CACNA1A: variants seen among roughly 807,000 people sequenced by gnomAD.
CACNA1A encodes voltage-dependent P/Q-type calcium channel subunit alpha-1A.
CACNA1A carries 57 observed loss-of-function variants against 262.4 expected under a neutral mutation model. That is an observed-to-expected ratio of 0.22 (90% CI 0.18 to 0.27). The LOEUF (loss-of-function observed/expected upper bound fraction) is 0.27, where lower values mean the gene tolerates loss of function less well. CACNA1A is among the 10% of genes least tolerant of loss of function. CACNA1A has a pLI of 1.00. For synonymous variants in CACNA1A, 1,431 were observed against 1,419.3 expected (o/e 1.01, Z -0.18); for missense variants, 2,526 against 3,562.8 (o/e 0.71, Z 7.41).
At chr19:13,414,094 C>A (rs1305029223) in intron 3 of CACNA1A, among the ~76,000 whole-genome samples, 1 of 151,534 alleles carries the variant, frequency 6.6e-6, no homozygotes, top group African/African-American at 2.4e-5. Flanking sequence ...TGTGTTGGTG[C>A]CCGTCTGTAG....
At chr19:13,262,416 T>C (rs1274480776) in intron 25 of CACNA1A, 4 of 229,478 alleles carry the variant, frequency 1.7e-5, no homozygotes, top group East Asian at 9.5e-5. Flanking sequence ...GAACAAGAAA[T>C]CTAGTTCCTG....
intron 1 of CACNA1A, among the ~76,000 whole-genome samples, chr19:13,467,591 A>G (rs1471370132): frequency 2.0e-5 from 3 of 149,034 alleles, no homozygotes; most frequent in Non-Finnish European, 4.4e-5. Context: ...GGGGATGCAC[A>G]CTGACTTTTT....
intron 3 of CACNA1A, among the ~76,000 whole-genome samples, chr19:13,382,424 C>T (rs539261159): frequency 1.3e-5 from 2 of 152,230 alleles, no homozygotes; most frequent in East Asian, 1.9e-4. Flanking sequence ...ACAGCCTCCT[C>T]CCTGGAAGGA....
chr19:13,278,985 A>G (rs1208954286), intron 22 of CACNA1A, among the ~76,000 whole-genome samples: 1 of 152,148 alleles, frequency 6.6e-6, no homozygotes, highest in Non-Finnish European at 1.5e-5. Context: ...CAGTGGGCAC[A>G]GCCTGGTCAA....
chr19:13,272,566 A>G (rs1015770613), intron 24 of CACNA1A: 1 of 152,306 alleles, frequency 6.6e-6, no homozygotes, highest in Non-Finnish European at 1.5e-5. Flanking sequence ...CCAAGGACAT[A>G]GGTCATCAAC....
chr19:13,449,078 C>A (rs1038762217), intron 3 of CACNA1A, among the ~76,000 whole-genome samples: 1 of 151,906 alleles, frequency 6.6e-6, no homozygotes, highest in African/African-American at 2.4e-5. Context: ...GTGATCCTCC[C>A]ACCTCAGCCT....
chr19:13,497,501 AAAAAAAAAAAAAAAAAAAAAATATAT>A (rs1568709303), intron 1 of CACNA1A, among the ~76,000 whole-genome samples: 7 of 33,954 alleles, frequency 2.1e-4, no homozygotes, highest in African/African-American at 8.3e-4. Flanking sequence ...AAAAAAAAAA[AAAAAAAAAAAAAAAAAAAAAATATAT>A]ATATATATAT....
chr19:13,298,742 G>A lies in CACNA1A; in HGVS notation c.2891C>T (p.Pro964Leu). The change falls in exon 19 of 47, where the codon CCC becomes CTC. Residue 964 changes from proline to leucine, a missense_variant. Pro to Leu is a moderately conservative substitution (Grantham distance 98). Coordinates refer to ENST00000360228, the MANE Select transcript of CACNA1A (RefSeq NM_001127222.2). ...CTTGTCCTCCGGACCCTCCTCCCCG[G>A]GCCTGCGGTGCGCGCGATGACGTCG... The part of the protein sequence containing the change: ...EHRRHRAHRR[P>L]GEEGPEDKAE... 6.6e-7 allele frequency: 1 copy of A among 1,508,070 alleles called. No individual in the cohort carries two copies. Among genetic ancestry groups the A allele is most frequent in the Non-Finnish European group, 8.8e-7 (1 of 1,134,476 alleles). 93.4% of individuals were successfully genotyped at this position (1,508,070 alleles called of 1,614,324 possible).
At chr19:13,378,994 G>A (rs953397754) in intron 3 of CACNA1A, among the ~76,000 whole-genome samples, 2 of 108,402 alleles carry the variant, frequency 1.8e-5, no homozygotes, top group Non-Finnish European at 3.8e-5. Flanking sequence ...TTTAATTTTT[G>A]TTGAGAGATA....
chr19:13,488,787 G>A (rs556331182), intron 1 of CACNA1A, among the ~76,000 whole-genome samples: 1 of 152,022 alleles, frequency 6.6e-6, no homozygotes, highest in African/African-American at 2.4e-5. Flanking sequence ...GGATTGAGCA[G>A]GTCTGGGGTA....
Position 13,214,305 on chromosome 19 carries a change from G to A in CACNA1A, c.5868C>T (p.Tyr1956=), listed in dbSNP as rs371972266. 53 of 1,612,706 alleles carry A rather than the reference G, an allele frequency of 3.3e-5. No homozygotes were observed. In the East Asian group the frequency reaches 9.1e-4, roughly 28 times the overall value. ...AGTACTCCATGATCATCATGGCTGC[G>A]TAGATCTTCCCCACGGTGAGGTCCG... ...KSTDLTVGKI[Y]AAMMIMEYYR... Residue 1956 remains tyrosine (Y), a synonymous_variant, in exon 40 of 47, where the codon TAC becomes TAT. Transcript: ENST00000360228. The surrounding 1 kb of genome is among the most constrained non-coding windows in gnomAD (Gnocchi z 4.1).
At position 13,207,485 on chromosome 19, in the gene CACNA1A, C is replaced by G; in HGVS notation, c.7349G>C (p.Arg2450Pro). ...CGAGGCCCGGGGAGTCCTGGGCGAG[C>G]GCCCGGTGGCGCCCGAGGACGCGTG... ...VRHASSGATG[R>P]SPRTPRASGP... The change falls in exon 47 of 47, where the codon CGC (arginine) becomes CCC (proline). Residue 2450 changes from arginine (R) to proline (P), a missense_variant. Arg to Pro is a moderately radical substitution (Grantham distance 103). This residue lies in a region of CACNA1A where 929 missense variants were observed against 868.1 expected (regional missense o/e 1.07). Transcript: ENST00000360228. This position sits in a 1 kb window ranked among gnomAD's most constrained non-coding sequence, Gnocchi z 5.7. 7.0e-7 allele frequency: 1 copy of G among 1,422,722 alleles called. No homozygotes were observed. The highest frequency in any genetic ancestry group is 9.1e-7 in the Non-Finnish European group (1 of 1,094,886). The allele number at this position is 1,422,722 out of a possible 1,614,324, so 88.1% of individuals were successfully genotyped here.
At chr19:13,229,978 C>T in intron 36 of CACNA1A, 104 bp downstream of exon 36, 1 of 1,322,800 alleles carries the variant, frequency 7.6e-7, no homozygotes, top group East Asian at 2.4e-5. Flanking sequence ...CCTGCTAGGA[C>T]CCCAGGAGTT....
Position 13,506,293 on chromosome 19 carries a change from G to A in CACNA1A, c.-69C>T. 3 of 1,340,108 alleles carry A rather than the reference G, an allele frequency of 2.2e-6. No individual in the cohort carries two copies. The highest frequency in any genetic ancestry group is 2.9e-6 in the Non-Finnish European group (3 of 1,040,790). The allele number at this position is 1,340,108 out of a possible 1,614,324, so 83.0% of individuals were successfully genotyped here. On this transcript the variant is annotated 5_prime_UTR_variant, in exon 1 of 47. Transcript: ENST00000360228. ...TGCGGAAGACGCCGCCGCCGCCGCC[G>A]CCGCCGCTGATGCTGAGGCTGCCGG...
chr19:13,433,242 G>A (rs866626246), intron 3 of CACNA1A, among the ~76,000 whole-genome samples: 17 of 149,522 alleles, frequency 1.1e-4, no homozygotes, highest in East Asian at 5.9e-4. Context: ...GCAGTGAGCC[G>A]AGATTGCGCC....
chr19:13,481,340 T>C (rs1488715079), intron 1 of CACNA1A, among the ~76,000 whole-genome samples: 1 of 152,190 alleles, frequency 6.6e-6, no homozygotes, highest in African/African-American at 2.4e-5. Context: ...CTTGGTCCTG[T>C]CTACCTCTCA....
At chr19:13,405,110 G>T (rs1248430143) in intron 3 of CACNA1A, among the ~76,000 whole-genome samples, 1 of 152,030 alleles carries the variant, frequency 6.6e-6, no homozygotes, top group Non-Finnish European at 1.5e-5. Flanking sequence ...TGGCCAGGCT[G>T]GTCTCAAACT....
At chr19:13,246,712 G>A (rs1032536505) in intron 30 of CACNA1A, among the ~76,000 whole-genome samples, 1 of 151,822 alleles carries the variant, frequency 6.6e-6, no homozygotes, top group Non-Finnish European at 1.5e-5. Context: ...TACAAGCTCT[G>A]CCTCCCGGGT....
At chr19:13,404,792 G>A (rs1281473787) in intron 3 of CACNA1A, among the ~76,000 whole-genome samples, 1 of 152,158 alleles carries the variant, frequency 6.6e-6, no homozygotes, top group African/African-American at 2.4e-5. Flanking sequence ...CCATCCCTGA[G>A]GGGAAAGGTG....
Sources: gnomAD v4.1 joint callset for allele counts (sites outside exome capture counted in the v4.1 genomes callset) on GRCh38, gnomAD v4.1.1 for gene constraint, gnomAD v4.1.1 regional missense constraint, Gnocchi (gnomAD v3.1) non-coding constraint, MANE v1.5 for transcripts, NCBI Gene and HGNC (gene_info 2026-07-23, HGNC 2026-07-21) for gene names.